GALNT1: variants seen among roughly 807,000 people sequenced by gnomAD.
GALNT1 encodes GalNAc transferase 1.
A neutral mutation model predicts 65.7 loss-of-function variants in GALNT1; 17 were observed. The ratio of observed to expected loss-of-function variants is 0.26; its 90% CI spans 0.18 to 0.39. The LOEUF (loss-of-function observed/expected upper bound fraction) is 0.39. GALNT1 is among the 10% of genes least tolerant of loss of function. GALNT1 has a pLI of 1.00. For synonymous variants in GALNT1, 210 were observed against 219.7 expected (o/e 0.96, Z 0.39); for missense variants, 460 against 672.8 (o/e 0.68, Z 3.50).
chr18:35,644,782 C>A (rs1367031494), intron 1 of GALNT1, among the ~76,000 whole-genome samples: 1 of 151,968 alleles, frequency 6.6e-6, no homozygotes, highest in African/African-American at 2.4e-5. Flanking sequence ...CTTCAGGTGA[C>A]GCGTTTGAGA....
At chr18:35,678,841 G>A (rs1433017375) in intron 4 of GALNT1, among the ~76,000 whole-genome samples, 2 of 152,024 alleles carry the variant, frequency 1.3e-5, no homozygotes, top group East Asian at 1.9e-4. Context: ...GCATTTAACC[G>A]AAATTAAGTT....
At chr18:35,595,302 A>G (rs578090385) in intron 1 of GALNT1, among the ~76,000 whole-genome samples, 4 of 152,336 alleles carry the variant, frequency 2.6e-5, no homozygotes, top group East Asian at 3.9e-4. Context: ...GGACACACAC[A>G]CAGAGATGCT....
intron 1 of GALNT1, among the ~76,000 whole-genome samples, chr18:35,592,857 G>T (rs74442274): frequency 0.013 from 1,955 of 152,220 alleles, 44 homozygotes; most frequent in African/African-American, 0.045. Context: ...TATGTATCAT[G>T]TTACCCCTCT....
At chr18:35,703,094 C>T in intron 10 of GALNT1, 99 bp downstream of exon 10, 5 of 655,810 alleles carry the variant, frequency 7.6e-6, no homozygotes, top group Non-Finnish European at 1.0e-5. Flanking sequence ...TATTTTCCTT[C>T]CTTTAAAGAG....
At chr18:35,645,218 G>GTTTTTTTTTTT (rs1166987925) in intron 1 of GALNT1, among the ~76,000 whole-genome samples, 2 of 54,326 alleles carry the variant, frequency 3.7e-5, no homozygotes, top group African/African-American at 7.2e-5. Flanking sequence ...TATTTTGAAT[G>GTTTTTTTTTTT]TTTTTTTTTT....
intron 2 of GALNT1, among the ~76,000 whole-genome samples, chr18:35,661,864 G>A (rs971834231): frequency 2.0e-5 from 3 of 151,980 alleles, no homozygotes; most frequent in Non-Finnish European, 4.4e-5. Context: ...TTTCTATTTT[G>A]ATTTTTCTAT....
In GALNT1 at chr18:35,589,011, G is replaced by A. The variant is rs188256064; in HGVS notation, c.-104+7149G>A. Among the ~76,000 whole-genome samples, 232 of 152,166 alleles carry A rather than the reference G, an allele frequency of 1.5e-3. 2 individuals carry two copies. Among genetic ancestry groups the A allele is most frequent in the African/African-American group, 5.1e-3 (210 of 41,516 alleles). ...TTTTTATATTATACTATGAGATTCT[G>A]GATCTTACTTAAGCCTTCTGTTTTA... On this transcript the variant is annotated intron_variant, in intron 1 of 11. Transcript: ENST00000269195.
At chr18:35,659,007 G>A (rs2047437825) in intron 2 of GALNT1, among the ~76,000 whole-genome samples, 1 of 152,092 alleles carries the variant, frequency 6.6e-6, no homozygotes, top group South Asian at 2.1e-4. Flanking sequence ...GCTGTGCCTG[G>A]CATCAAAGTC....
rs762964948 is a variant in GALNT1 at position 35,703,589 on chromosome 18, A to G, written c.1479A>G (p.Thr493=). The G allele has an allele frequency of 2.5e-6, 4 of 1,613,952 alleles. No individual in the cohort carries two copies. The African/African-American group carries it at 5.3e-5, about 22-fold the overall frequency. ...LDVSKLNGPV[T]MLKCHHLKGN... is the part of the protein sequence containing the mutation. ...TTTCCAAACTTAATGGCCCAGTTAC[A>G]ATGCTCAAATGCCACCACCTAAAAG... The change falls in exon 11 of 12, where the codon ACA becomes ACG. Residue 493 remains threonine, a synonymous_variant. Transcript: ENST00000269195.
rs1209120139 is a variant in GALNT1, at chr18:35,581,850, C to CCGT, written c.-116_-115insCGT. On this transcript the variant is annotated 5_prime_UTR_variant, in exon 1 of 12. Transcript: ENST00000269195. ...AGGACGCCTGCCGCCGCCGCCGCCGCGCGCCTAGCGAGGTGAGTGTATCGC... is the reference window on the plus strand; with the variant it reads ...AGGACGCCTGCCGCCGCCGCCGCCGCCGTGCGCCTAGCGAGGTGAGTGTATCGC... The CCGT allele has an allele frequency of 1.2e-5, 1 of 86,860 alleles. No individual in the cohort carries two copies. The highest frequency in any genetic ancestry group is 2.4e-5 in the Non-Finnish European group (1 of 42,346). The allele number at this position is 86,860 out of a possible 1,614,324, so 5.4% of individuals were successfully genotyped here.
intron 9 of GALNT1, among the ~76,000 whole-genome samples, chr18:35,699,634 A>G (rs1306237418): frequency 6.6e-6 from 1 of 152,228 alleles, no homozygotes; most frequent in Non-Finnish European, 1.5e-5. Context: ...AAACTTCAAA[A>G]TACCCCTTAT....
chr18:35,602,988 G>A (rs2046600916), intron 1 of GALNT1, among the ~76,000 whole-genome samples: 3 of 152,162 alleles, frequency 2.0e-5, no homozygotes, highest in Admixed American at 1.3e-4. Context: ...TCTTTCTAGA[G>A]TATGTTTGCT....
chr18:35,600,510 A>G (rs2046567855), intron 1 of GALNT1, among the ~76,000 whole-genome samples: 1 of 152,074 alleles, frequency 6.6e-6, no homozygotes, highest in Admixed American at 6.6e-5. Flanking sequence ...GAGGCCCTTT[A>G]TGTCTTTTTC....
intron 4 of GALNT1, among the ~76,000 whole-genome samples, chr18:35,678,597 T>G (rs983867310): frequency 6.6e-6 from 1 of 152,192 alleles, no homozygotes; most frequent in African/African-American, 2.4e-5. Context: ...GCTCATCTGT[T>G]TAGGAATCAT....
intron 11 of GALNT1, among the ~76,000 whole-genome samples, chr18:35,704,459 C>T (rs2048220565): frequency 6.6e-6 from 1 of 151,836 alleles, no homozygotes; most frequent in Admixed American, 6.6e-5. Flanking sequence ...CAGGCACACG[C>T]CATCATGCCT....
intron 1 of GALNT1, among the ~76,000 whole-genome samples, chr18:35,643,297 G>C (rs902466191): frequency 6.6e-6 from 1 of 152,086 alleles, no homozygotes; most frequent in Non-Finnish European, 1.5e-5. Context: ...GGTGGGAAGA[G>C]GGGTTAGAAA....
At chr18:35,706,485 G>T (rs1005574059) in intron 11 of GALNT1, among the ~76,000 whole-genome samples, 5 of 151,856 alleles carry the variant, frequency 3.3e-5, no homozygotes, top group Non-Finnish European at 7.4e-5. Context: ...CTGGGCGACA[G>T]AGTGAGACTC....
intron 11 of GALNT1, among the ~76,000 whole-genome samples, chr18:35,705,189 C>T (rs1024444775): frequency 2.6e-5 from 4 of 152,178 alleles, no homozygotes; most frequent in Non-Finnish European, 4.4e-5. Flanking sequence ...ATACCTTATA[C>T]TTTCCTAGTT....
rs146653721 is a variant in GALNT1, at chr18:35,688,231, T to G, written c.861-942T>G. On this transcript the variant is annotated intron_variant, in intron 6 of 11. Transcript: ENST00000269195. Reference sequence around the variant, plus strand: ...ATGATAATTCTGAATTTTGGCTGTTTCTTTTAAATCCTTTTCTCATTCTTT... The same window carrying G: ...ATGATAATTCTGAATTTTGGCTGTTGCTTTTAAATCCTTTTCTCATTCTTT... 8.5e-5 allele frequency among the ~76,000 whole-genome samples: 13 copies of G among 152,314 alleles called. No individual in the cohort carries two copies. In the East Asian group the frequency reaches 2.5e-3, roughly 29 times the overall value.
Sources: allele counts gnomAD v4.1 joint callset (sites outside exome capture counted in the v4.1 genomes callset), GRCh38; gene constraint gnomAD v4.1.1; transcripts MANE v1.5; gene names NCBI Gene and HGNC (gene_info 2026-07-23, HGNC 2026-07-21).